Variants in TFB1M observed in about 807,000 individuals in gnomAD.
TFB1M encodes transcription factor B1, mitochondrial.
In TFB1M, 27 loss-of-function variants were observed where a neutral mutation model predicts 31.1. The ratio of observed to expected loss-of-function variants is 0.87; its 90% confidence interval spans 0.64 to 1.20. TFB1M has a LOEUF of 1.20. TFB1M is among the 50% of genes most tolerant of loss of function. The pLI, the probability that TFB1M is intolerant of heterozygous loss-of-function variation, is 0.00. For synonymous variants in TFB1M, 166 were observed against 151.8 expected (o/e 1.09, Z -0.69); for missense variants, 394 against 418.7 (o/e 0.94, Z 0.51).
At chr6:155,258,532 T>G (rs1583303792) in intron 6 of TFB1M, among the ~76,000 whole-genome samples, 1 of 102,088 alleles carries the variant, frequency 9.8e-6, no homozygotes, top group East Asian at 6.3e-4. Context: ...TACTTTTTTT[T>G]GCTAAAAGTT....
At chr6:155,250,926 C>T in the TFB1M span, 10 of 1,614,018 alleles carry the variant, frequency 6.2e-6, no homozygotes, top group East Asian at 2.2e-5. Context: ...ACAGAACTTT[C>T]GATGGGAGAG....
At chr6:155,241,707 G>A in the TFB1M span, among the ~76,000 whole-genome samples, 1 of 152,180 alleles carries the variant, frequency 6.6e-6, no homozygotes, top group African/African-American at 2.4e-5. Flanking sequence ...GGGGAGAAAG[G>A]AAAGTTAGGA....
intron 6 of TFB1M, among the ~76,000 whole-genome samples, chr6:155,259,465 GC>G (rs1196114338): frequency 1.3e-5 from 2 of 152,242 alleles, no homozygotes; most frequent in Non-Finnish European, 2.9e-5. Context: ...TGCCCAGCTG[GC>G]CCCTAAAATA....
intron 2 of TFB1M, among the ~76,000 whole-genome samples, chr6:155,306,899 T>A (rs541194074): frequency 6.6e-6 from 1 of 152,100 alleles, no homozygotes; most frequent in African/African-American, 2.4e-5. Context: ...GGTGGGCAGA[T>A]TGCTTAAGCC....
the TFB1M span, chr6:155,248,240 C>T: frequency 7.6e-5 from 118 of 1,548,644 alleles, no homozygotes; most frequent in Non-Finnish European, 9.3e-5. Context: ...GGCTGCCAGC[C>T]GTGCCCTGGG....
chr6:155,258,090 G>GAAGA lies in TFB1M; in HGVS notation c.795-12_795-9dup. ...GCTTCAGGGAATAACATTCTGAGGGGAAGACAGACAGACAGAAAAATAAGA... is the reference window on the plus strand; with the variant it reads ...GCTTCAGGGAATAACATTCTGAGGGGAAGAAAGACAGACAGACAGAAAAATAAGA... On this transcript the variant is annotated splice_polypyrimidine_tract_variant and intron_variant, in intron 6 of 6. Coordinates refer to ENST00000367166, the MANE Select transcript of TFB1M (RefSeq NM_016020.4). 6.2e-7 allele frequency: 1 copy of GAAGA among 1,614,126 alleles called. No individual in the cohort carries two copies. Among genetic ancestry groups the GAAGA allele is most frequent in the Non-Finnish European group, 8.5e-7 (1 of 1,180,016 alleles).
chr6:155,252,783 T>A (rs1352923626), downstream of TFB1M: 1 of 603,894 alleles, frequency 1.7e-6, no homozygotes, highest in East Asian at 2.8e-5. Context: ...ATGTGAGGTC[T>A]TTGAGAACTG....
chr6:155,304,697 T>A (rs543935734), intron 2 of TFB1M, among the ~76,000 whole-genome samples: 1 of 150,544 alleles, frequency 6.6e-6, no homozygotes, highest in African/African-American at 2.4e-5. Flanking sequence ...CTTTTTGCAA[T>A]GCAAAAAGTT....
chr6:155,276,128 G>A, intron 5 of TFB1M: 1 of 1,614,190 alleles, frequency 6.2e-7, no homozygotes, highest in Non-Finnish European at 8.5e-7. Context: ...AATCTCGACA[G>A]TGTGGTACAC....
chr6:155,235,105 C>T, the TFB1M span, among the ~76,000 whole-genome samples: 346 of 152,238 alleles, frequency 2.3e-3, 2 homozygotes, highest in East Asian at 0.036. Flanking sequence ...TTTAAGGTCT[C>T]GCTGAAGCCT....
chr6:155,303,705 G>A (rs1172044112), intron 2 of TFB1M, among the ~76,000 whole-genome samples: 1 of 152,138 alleles, frequency 6.6e-6, no homozygotes, highest in Non-Finnish European at 1.5e-5. Flanking sequence ...CTGCCTGGAC[G>A]CTGAAATTAC....
At chr6:155,251,511 T>A (rs1476511600), downstream of TFB1M, among the ~76,000 whole-genome samples, 2 of 152,158 alleles carry the variant, frequency 1.3e-5, no homozygotes, top group African/African-American at 4.8e-5. Flanking sequence ...GGTCTCGAAC[T>A]CCTGACCTCA....
At chr6:155,293,952 T>C (rs543463533) in intron 4 of TFB1M, among the ~76,000 whole-genome samples, 2 of 152,314 alleles carry the variant, frequency 1.3e-5, no homozygotes, top group African/African-American at 2.4e-5. Context: ...GGACTGGTTG[T>C]TCTTCCTGAG....
intron 4 of TFB1M, among the ~76,000 whole-genome samples, chr6:155,290,043 A>T (rs771431725): frequency 3.3e-5 from 5 of 152,132 alleles, no homozygotes; most frequent in East Asian, 1.9e-4. Context: ...CCTTTTTTTT[A>T]AAATAAATTA....
intron 5 of TFB1M, among the ~76,000 whole-genome samples, chr6:155,282,064 G>A (rs924558481): frequency 2.6e-5 from 4 of 152,044 alleles, no homozygotes; most frequent in African/African-American, 7.2e-5. Context: ...TCTTGTAAAT[G>A]TAAATAATTT....
intron 5 of TFB1M, among the ~76,000 whole-genome samples, chr6:155,277,041 C>T (rs114858328): frequency 9.8e-4 from 150 of 152,344 alleles, no homozygotes; most frequent in African/African-American, 3.6e-3. Context: ...GAAAGCCAAA[C>T]CAAACTAAAA....
Position 155,267,207 on chromosome 6 carries a change from G to A in TFB1M, c.667-6807C>T, listed in dbSNP as rs148977817. On this transcript the variant is annotated intron_variant, in intron 5 of 6. Coordinates refer to ENST00000367166, the MANE Select transcript of TFB1M (RefSeq NM_016020.4). ...CCAGGCTGGTCTCAAACTTCTGGCC[G>A]CAAGCAATCCACCTGCCTTGGCCTC... Among the ~76,000 whole-genome samples the A allele has an allele frequency of 4.5e-3, 681 of 152,198 alleles. 1 individual carries two copies. The highest frequency in any genetic ancestry group is 7.0e-3 in the Non-Finnish European group (477 of 68,000).
intron 5 of TFB1M, among the ~76,000 whole-genome samples, chr6:155,279,464 C>G (rs889987304): frequency 2.0e-5 from 3 of 152,038 alleles, no homozygotes; most frequent in Non-Finnish European, 4.4e-5. Flanking sequence ...GCTTGGATGA[C>G]CTGGGTGGAT....
chr6:155,301,279 A>G lies in TFB1M; in HGVS notation c.286-2694T>C, dbSNP rs1777419855. Among the ~76,000 whole-genome samples the G allele has an allele frequency of 2.6e-5, 4 of 152,238 alleles. No individual in the cohort carries two copies. The South Asian group carries it at 6.2e-4, about 24-fold the overall frequency. On this transcript the variant is annotated intron_variant, in intron 2 of 6. Coordinates refer to ENST00000367166, the MANE Select transcript of TFB1M (RefSeq NM_016020.4). The stretch of plus-strand genomic sequence containing the variant: ...AGAAGGAATGAACGCTCATGTTAAC[A>G]GATTTATGTGAAGTCCTTAAAGCAA...
Sources: allele counts gnomAD v4.1 joint callset (sites outside exome capture counted in the v4.1 genomes callset), GRCh38; gene constraint gnomAD v4.1.1; transcripts MANE v1.5; gene names NCBI Gene and HGNC (gene_info 2026-07-23, HGNC 2026-07-21).